Variants in PTK7 observed in about 807,000 individuals in gnomAD.
PTK7 encodes inactive tyrosine-protein kinase 7.
A neutral mutation model predicts 116.6 loss-of-function variants in PTK7; 39 were observed. That is an observed-to-expected ratio of 0.33 (90% CI 0.26 to 0.44). The LOEUF is 0.44. Among genes scored for constraint, PTK7 ranks in the 20% least tolerant of loss-of-function variants. PTK7 has a pLI of 1.00. For missense variants in PTK7, 1,169 were observed against 1,425.6 expected (o/e 0.82, Z 2.90); for synonymous variants, 546 against 563.6 (o/e 0.97, Z 0.44).
intron 1 of PTK7, among the ~76,000 whole-genome samples, chr6:43,101,100 C>T (rs1350253554): frequency 6.6e-6 from 1 of 151,568 alleles, no homozygotes; most frequent in Non-Finnish European, 1.5e-5. Flanking sequence ...GGCATGGTGG[C>T]GCATGCCTGT....
intron 1 of PTK7, among the ~76,000 whole-genome samples, chr6:43,099,819 C>T (rs935428774): frequency 1.3e-5 from 2 of 152,016 alleles, no homozygotes; most frequent in African/African-American, 4.8e-5. Context: ...CTTGTAATGC[C>T]AGCACTTTTG....
chr6:43,123,749 T>C (rs1769109352), intron 1 of PTK7, among the ~76,000 whole-genome samples: 1 of 152,134 alleles, frequency 6.6e-6, no homozygotes, highest in Non-Finnish European at 1.5e-5. Flanking sequence ...GCGCCTGGTG[T>C]GGGCAGATGG....
At chr6:43,111,749 A>G (rs1768203779) in intron 1 of PTK7, among the ~76,000 whole-genome samples, 1 of 151,944 alleles carries the variant, frequency 6.6e-6, no homozygotes, top group Middle Eastern at 3.4e-3. Context: ...TGCAGCCTCA[A>G]CCTGATCTCC....
chr6:43,152,506 G>A (rs1212237699), intron 17 of PTK7, among the ~76,000 whole-genome samples: 3 of 152,350 alleles, frequency 2.0e-5, no homozygotes, highest in Non-Finnish European at 2.9e-5. Context: ...CCGCCTGGGC[G>A]ACAGAGTGAG....
intron 17 of PTK7, 100 bp from the exon 18 acceptor site, chr6:43,158,717 G>C: frequency 7.6e-7 from 1 of 1,309,662 alleles, no homozygotes; most frequent in Non-Finnish European, 1.1e-6. Flanking sequence ...TTCCTACGCA[G>C]CACACCAATA....
At chr6:43,124,362 G>C (rs113109505) in intron 1 of PTK7, among the ~76,000 whole-genome samples, 1 of 152,182 alleles carries the variant, frequency 6.6e-6, no homozygotes, top group African/African-American at 2.4e-5. Context: ...TTTCTGCCAG[G>C]TCTCCTTTGT....
chr6:43,109,819 C>G (rs1489525026), intron 1 of PTK7, among the ~76,000 whole-genome samples: 1 of 151,566 alleles, frequency 6.6e-6, no homozygotes, highest in Non-Finnish European at 1.5e-5. Flanking sequence ...CTGGCTTAGC[C>G]TCCCGAGTAG....
At chr6:43,154,999 G>A (rs1771337441) in intron 17 of PTK7, among the ~76,000 whole-genome samples, 1 of 152,244 alleles carries the variant, frequency 6.6e-6, no homozygotes, top group South Asian at 2.1e-4. Flanking sequence ...GTGGAGAGAG[G>A]CAACCAGCCT....
At chr6:43,096,249 T>A (rs2150384231) in intron 1 of PTK7, among the ~76,000 whole-genome samples, 1 of 152,280 alleles carries the variant, frequency 6.6e-6, no homozygotes, top group South Asian at 2.1e-4. Flanking sequence ...GGAGAGAAAT[T>A]AGTTAAAAGT....
chr6:43,090,946 C>G (rs1227243858), intron 1 of PTK7, among the ~76,000 whole-genome samples: 1 of 151,878 alleles, frequency 6.6e-6, no homozygotes, highest in Admixed American at 6.6e-5. Context: ...GAAGAAAGAC[C>G]CTGATTTTAG....
intron 1 of PTK7, among the ~76,000 whole-genome samples, chr6:43,095,277 CA>C (rs1295485437): frequency 1.4e-5 from 2 of 147,768 alleles, no homozygotes; most frequent in African/African-American, 5.0e-5. Flanking sequence ...GAGGCTAAGG[CA>C]GGAGAATCGC....
intron 1 of PTK7, among the ~76,000 whole-genome samples, chr6:43,078,840 T>TC (rs1766206998): frequency 6.6e-6 from 1 of 152,132 alleles, no homozygotes; most frequent in African/African-American, 2.4e-5. Context: ...CCAATTCCCA[T>TC]CCCCCTCCCT....
Position 43,159,921 on chromosome 6 carries a change from G to A in PTK7, c.3007G>A (p.Gly1003Arg), listed in dbSNP as rs758988723. ...GCTGATGTGGGAAGTGTTTACACAT[G>A]GAGAGATGCCCCATGGTGGGCAGGC... ...GVLMWEVFTH[G>R]EMPHGGQADD... Residue 1003 changes from glycine (G) to arginine (R), a missense_variant, in exon 19 of 20, where the codon GGA becomes AGA. Transcript: ENST00000230419. The A allele has an allele frequency of 6.2e-7, 1 of 1,614,202 alleles. No homozygotes were observed. Among genetic ancestry groups the A allele is most frequent in the Non-Finnish European group, 8.5e-7 (1 of 1,180,022 alleles).
Position 43,131,029 on chromosome 6 carries a change from TCACACACACA to T in PTK7, c.812+408_812+417del, listed in dbSNP as rs3222659. 7.1e-3 allele frequency among the ~76,000 whole-genome samples: 954 copies of T among 133,828 alleles called. 8 individuals carry two copies. Among genetic ancestry groups the T allele is most frequent in the Middle Eastern group, 0.015 (4 of 264 alleles). The allele number at this position is 133,828 out of a possible 152,430, so 87.8% of individuals were successfully genotyped here. A position where few individuals can be genotyped will look rare whatever the true frequency, so the allele number is the denominator to read the frequency against. On this transcript the variant is annotated intron_variant, in intron 5 of 19. Coordinates refer to ENST00000230419, the MANE Select transcript of PTK7 (RefSeq NM_002821.5). ...AGCGTGATCCAGTGTGGCAAAGACA[TCACACACACA>T]CACACACACACACACACACACACAC...
Position 43,139,095 on chromosome 6 carries a change from G to C in PTK7, c.1363-41G>C. 1 of 1,612,492 alleles carries C rather than the reference G, an allele frequency of 6.2e-7. No homozygotes were observed. Among genetic ancestry groups the C allele is most frequent in the African/African-American group, 1.3e-5 (1 of 75,006 alleles). On this transcript the variant is annotated intron_variant, in intron 8 of 19. Transcript: ENST00000230419. The surrounding 1 kb of genome is among the most constrained non-coding windows in gnomAD (Gnocchi z 4.6). ...TGGAGGCAGCCTCCAGGGAGAGGTGGGTGTGGGTTCAGGCTCTGAGGCCTC... is the reference window on the plus strand; with the variant it reads ...TGGAGGCAGCCTCCAGGGAGAGGTGCGTGTGGGTTCAGGCTCTGAGGCCTC...
At chr6:43,077,485 C>T (rs1039655987) in intron 1 of PTK7, among the ~76,000 whole-genome samples, 3 of 152,106 alleles carry the variant, frequency 2.0e-5, no homozygotes, top group Non-Finnish European at 4.4e-5. Flanking sequence ...CAGACAGCAC[C>T]GCCCCCCCAA....
At chr6:43,159,502 A>C in intron 18 of PTK7, 1 of 471,002 alleles carries the variant, frequency 2.1e-6, no homozygotes, top group South Asian at 2.2e-5. Flanking sequence ...TTACATTTTT[A>C]CAACCAATAT....
Position 43,143,569 on chromosome 6 carries a change from C to A in PTK7, c.2200C>A (p.Arg734=). The stretch of plus-strand genomic sequence containing the variant: ...CTGCAAGAAGCGCTGCAAAGCCAAG[C>A]GGCTGCAGAAGCAGCCCGAGGGCGA... ...FYCKKRCKAK[R]LQKQPEGEEP... is the part of the protein sequence containing the mutation. The change falls in exon 14 of 20, where the codon CGG becomes AGG. Residue 734 remains arginine (R), a synonymous_variant. Transcript: ENST00000230419. This position sits in a 1 kb window ranked among gnomAD's most constrained non-coding sequence, Gnocchi z 4.2. 6.2e-7 allele frequency: 1 copy of A among 1,613,542 alleles called. No individual in the cohort carries two copies. The highest frequency in any genetic ancestry group is 8.5e-7 in the Non-Finnish European group (1 of 1,180,014).
At chr6:43,138,767 G>A (rs945225654) in intron 7 of PTK7, 82 bp from the exon 8 acceptor site, 1 of 1,509,016 alleles carries the variant, frequency 6.6e-7, no homozygotes, top group African/African-American at 1.4e-5. Context: ...GCCTAGAATG[G>A]TAGTAGGATT....
Sources: allele counts gnomAD v4.1 joint callset (sites outside exome capture counted in the v4.1 genomes callset), GRCh38; gene constraint gnomAD v4.1.1; non-coding constraint Gnocchi (gnomAD v3.1); transcripts MANE v1.5; gene names NCBI Gene and HGNC (gene_info 2026-07-23, HGNC 2026-07-21).